Variants in GRID2 observed in about 807,000 individuals in gnomAD.
GRID2 encodes the protein glutamate receptor ionotropic, delta-2.
GRID2 carries 33 observed loss-of-function variants against 114.8 expected under a neutral mutation model. That is an observed-to-expected ratio of 0.29 (90% confidence interval 0.22 to 0.38). The LOEUF is 0.38. Among genes scored for constraint, GRID2 ranks in the 10% least tolerant of loss-of-function variants. GRID2 has a pLI of 1.00. For missense variants in GRID2, 1,184 were observed against 1,257.7 expected (o/e 0.94, Z 0.89); for synonymous variants, 505 against 449.9 (o/e 1.12, Z -1.55).
chr4:92,445,750 G>T (rs1733424107), intron 1 of GRID2, among the ~76,000 whole-genome samples: 1 of 152,096 alleles, frequency 6.6e-6, no homozygotes, highest in African/African-American at 2.4e-5. Flanking sequence ...TCTTAGGTAG[G>T]CTGCATTTCT....
At chr4:93,436,122 C>T (rs758826182) in intron 10 of GRID2, among the ~76,000 whole-genome samples, 50 of 152,230 alleles carry the variant, frequency 3.3e-4, no homozygotes, top group Middle Eastern at 3.4e-3. Flanking sequence ...TTAATTCTCA[C>T]AAAACTGGCC....
intron 6 of GRID2, among the ~76,000 whole-genome samples, chr4:93,220,274 T>C (rs1744724557): frequency 1.3e-5 from 2 of 151,894 alleles, no homozygotes; most frequent in Admixed American, 1.3e-4. Flanking sequence ...TGGGAGAATG[T>C]CATAAATCTA....
intron 7 of GRID2, among the ~76,000 whole-genome samples, chr4:93,233,328 TATTATTA>T (rs1352765235): frequency 2.1e-5 from 2 of 97,220 alleles, no homozygotes; most frequent in African/African-American, 7.6e-5. Context: ...TTATTATTAT[TATTATTA>T]TTTTTTTTTT....
At chr4:93,523,708 G>A (rs1730555988) in intron 13 of GRID2, among the ~76,000 whole-genome samples, 1 of 152,110 alleles carries the variant, frequency 6.6e-6, no homozygotes, top group Admixed American at 6.6e-5. Context: ...CTTCATCCCT[G>A]ACAGTGGCAG....
chr4:93,557,275 C>T (rs922912993), intron 13 of GRID2, among the ~76,000 whole-genome samples: 2 of 152,064 alleles, frequency 1.3e-5, no homozygotes, highest in Non-Finnish European at 2.9e-5. Flanking sequence ...CTAAATGCCC[C>T]AATTAAAAGA....
intron 14 of GRID2, among the ~76,000 whole-genome samples, chr4:93,628,399 G>A (rs914879646): frequency 6.6e-6 from 1 of 151,888 alleles, no homozygotes. Flanking sequence ...GTGTAGTTAA[G>A]GTACTGAAAT....
chr4:92,653,740 T>C (rs1732095080), intron 2 of GRID2, among the ~76,000 whole-genome samples: 1 of 152,112 alleles, frequency 6.6e-6, no homozygotes, highest in African/African-American at 2.4e-5. Flanking sequence ...ATCTTCACTA[T>C]TTCAGACAAG....
At chr4:92,709,559 A>G (rs537159043) in intron 2 of GRID2, among the ~76,000 whole-genome samples, 21 of 141,052 alleles carry the variant, frequency 1.5e-4, no homozygotes, top group African/African-American at 5.1e-4. Flanking sequence ...GAGGTTCCTC[A>G]AAATAGTGTA....
intron 8 of GRID2, among the ~76,000 whole-genome samples, chr4:93,342,663 C>G (rs929894455): frequency 1.3e-5 from 2 of 152,030 alleles, no homozygotes; most frequent in South Asian, 4.1e-4. Context: ...GTATATAAAA[C>G]CTAGTATTAA....
chr4:92,561,647 T>C (rs1727107507), intron 1 of GRID2, among the ~76,000 whole-genome samples: 1 of 152,284 alleles, frequency 6.6e-6, no homozygotes, highest in African/African-American at 2.4e-5. Flanking sequence ...TAAAGCTTTA[T>C]AGTGTGGCTA....
chr4:93,349,873 A>G (rs1213031108), intron 8 of GRID2, among the ~76,000 whole-genome samples: 2 of 152,122 alleles, frequency 1.3e-5, no homozygotes, highest in Non-Finnish European at 2.9e-5. Context: ...TTATACCTTA[A>G]TTATGATAAA....
At chr4:93,525,175 C>G (rs150977338) in intron 13 of GRID2, among the ~76,000 whole-genome samples, 1 of 151,984 alleles carries the variant, frequency 6.6e-6, no homozygotes, top group Non-Finnish European at 1.5e-5. Context: ...GGAAAGGGAA[C>G]CTAGCATAGC....
chr4:93,257,729 A>G (rs1226769070), intron 8 of GRID2, among the ~76,000 whole-genome samples: 1 of 151,376 alleles, frequency 6.6e-6, no homozygotes, highest in Non-Finnish European at 1.5e-5. Flanking sequence ...TCTTTCTCAT[A>G]TAATATAATG....
intron 13 of GRID2, among the ~76,000 whole-genome samples, chr4:93,521,355 A>T (rs1730319663): frequency 6.6e-6 from 1 of 152,186 alleles, no homozygotes; most frequent in Non-Finnish European, 1.5e-5. Context: ...ACACAATTTA[A>T]TATTTAGAGG....
chr4:93,589,097 T>C (rs1737852538), intron 13 of GRID2, among the ~76,000 whole-genome samples: 1 of 151,958 alleles, frequency 6.6e-6, no homozygotes, highest in South Asian at 2.1e-4. Context: ...CATGGGCACA[T>C]TGTGCAGGTT....
intron 13 of GRID2, among the ~76,000 whole-genome samples, chr4:93,552,677 A>G (rs1733883307): frequency 6.6e-6 from 1 of 152,144 alleles, no homozygotes. Context: ...GTACATGTGC[A>G]CAACGTGCAG....
At chr4:92,987,470 A>G (rs1245651604) in intron 2 of GRID2, among the ~76,000 whole-genome samples, 2 of 152,148 alleles carry the variant, frequency 1.3e-5, no homozygotes, top group Admixed American at 6.5e-5. Context: ...GAGGGATAGC[A>G]TTAGGGAGAT....
At chr4:93,650,699 C>T (rs1265094497) in intron 14 of GRID2, among the ~76,000 whole-genome samples, 2 of 152,082 alleles carry the variant, frequency 1.3e-5, no homozygotes, top group Non-Finnish European at 2.9e-5. Context: ...CAGAATGCTA[C>T]GTCCTAGTTT....
At chr4:92,724,062 G>C (rs115890951) in intron 2 of GRID2, among the ~76,000 whole-genome samples, 2 of 152,042 alleles carry the variant, frequency 1.3e-5, no homozygotes, top group Non-Finnish European at 2.9e-5. Flanking sequence ...ATATACAGGA[G>C]GGTTTATCAA....
Sources: gnomAD v4.1 joint callset for allele counts (sites outside exome capture counted in the v4.1 genomes callset) on GRCh38, gnomAD v4.1.1 for gene constraint, MANE v1.5 for transcripts, NCBI Gene and HGNC (gene_info 2026-07-23, HGNC 2026-07-21) for gene names.